Variants in ZNF608 observed in about 807,000 individuals in gnomAD.
The protein encoded by ZNF608 is renal carcinoma antigen NY-REN-36.
A neutral mutation model predicts 109.0 loss-of-function variants in ZNF608; 12 were observed. The observed-to-expected ratio is 0.11, with a 90% CI of 0.07 to 0.18. The LOEUF is 0.18. Ranked by LOEUF, ZNF608 falls within the 10% of genes least tolerant of loss-of-function variation. The pLI is 1.00. For synonymous variants in ZNF608, 732 were observed against 717.4 expected (o/e 1.02, Z -0.33); for missense variants, 1,707 against 1,879.3 (o/e 0.91, Z 1.70).
chr5:124,715,232 G>A (rs1463533577), intron 2 of ZNF608, among the ~76,000 whole-genome samples: 2 of 151,992 alleles, frequency 1.3e-5, no homozygotes, highest in Non-Finnish European at 2.9e-5. Flanking sequence ...ATTTATTCTT[G>A]CACAGTTACC....
chr5:124,732,540 T>C (rs1311794085), intron 2 of ZNF608, among the ~76,000 whole-genome samples: 1 of 149,950 alleles, frequency 6.7e-6, no homozygotes, highest in East Asian at 1.9e-4. Context: ...TTTTTTTGTT[T>C]GTTCAAAAAA....
intron 3 of ZNF608, among the ~76,000 whole-genome samples, chr5:124,684,900 G>A (rs1752340572): frequency 6.6e-6 from 1 of 152,172 alleles, no homozygotes; most frequent in Non-Finnish European, 1.5e-5. Flanking sequence ...TGAGGATTCT[G>A]CAACAATACA....
At chr5:124,661,515 G>C (rs186342638) in intron 3 of ZNF608, among the ~76,000 whole-genome samples, 1 of 149,940 alleles carries the variant, frequency 6.7e-6, no homozygotes, top group African/African-American at 2.4e-5. Context: ...AGAGTTACAA[G>C]TATTTCAATA....
intron 2 of ZNF608, among the ~76,000 whole-genome samples, chr5:124,713,054 C>G (rs1380777752): frequency 6.6e-6 from 1 of 152,110 alleles, no homozygotes; most frequent in Non-Finnish European, 1.5e-5. Context: ...ACCTCTATCC[C>G]CACCCACCAC....
chr5:124,672,551 G>A (rs185489850), intron 3 of ZNF608, among the ~76,000 whole-genome samples: 10 of 152,306 alleles, frequency 6.6e-5, no homozygotes, highest in Non-Finnish European at 1.3e-4. Context: ...TATTTTCACT[G>A]TAACATAGTT....
At chr5:124,653,267 A>G (rs1337254996) in intron 3 of ZNF608, among the ~76,000 whole-genome samples, 1 of 152,228 alleles carries the variant, frequency 6.6e-6, no homozygotes, top group Non-Finnish European at 1.5e-5. Flanking sequence ...AATAAGAACA[A>G]GGTCTTTATT....
intron 2 of ZNF608, among the ~76,000 whole-genome samples, chr5:124,712,491 G>A (rs1282073553): frequency 1.3e-5 from 2 of 152,318 alleles, no homozygotes; most frequent in East Asian, 1.9e-4. Flanking sequence ...CCAAAACCCT[G>A]TAGACCCCAA....
At chr5:124,718,324 G>T (rs1463361201) in intron 2 of ZNF608, among the ~76,000 whole-genome samples, 5 of 152,176 alleles carry the variant, frequency 3.3e-5, no homozygotes, top group African/African-American at 9.7e-5. Context: ...TTGTCAAACA[G>T]AAATGAAAAA....
chr5:124,694,334 G>A (rs890182599), intron 3 of ZNF608, among the ~76,000 whole-genome samples: 1 of 151,086 alleles, frequency 6.6e-6, no homozygotes. Context: ...GAGTTTTGTT[G>A]TTTATTATGT....
Position 124,731,596 on chromosome 5 carries a change from C to A in ZNF608, c.906+12488G>T, listed in dbSNP as rs1416826127. ...ATCTCAGCATTTTGGGAGGCTGAGG[C>A]GGGCAGATTACCTGAGGCCAGGAGT... On this transcript the variant is annotated intron_variant, in intron 2 of 9. Coordinates refer to ENST00000513986, the MANE Select transcript of ZNF608 (RefSeq NM_020747.3). Among the ~76,000 whole-genome samples the A allele has an allele frequency of 2.6e-5, 4 of 151,884 alleles. 1 individual carries two copies. Among genetic ancestry groups the A allele is most frequent in the Admixed American group, 2.6e-4 (4 of 15,260 alleles).
chr5:124,734,804 A>G (rs1403511941), intron 2 of ZNF608: 1 of 152,244 alleles, frequency 6.6e-6, no homozygotes, highest in African/African-American at 2.4e-5. Flanking sequence ...TACTTAAACT[A>G]TATTTAGAAG....
chr5:124,697,280 C>A (rs1319375529), intron 3 of ZNF608, among the ~76,000 whole-genome samples: 1 of 142,638 alleles, frequency 7.0e-6, no homozygotes, highest in Non-Finnish European at 1.5e-5. Context: ...CAAAAGGAAA[C>A]ACATTCATAA....
chr5:124,648,389 G>T lies in ZNF608; in HGVS notation c.1995C>A (p.Gly665=). Residue 665 remains glycine (G), a synonymous_variant, in exon 5 of 10, where the codon GGC becomes GGA. Transcript: ENST00000513986. ...GAAGGTTGTTCAGTTCATTGTTAAG[G>T]CCCTTCTTTTTGCCAGAATTCTTCC... The part of the protein sequence containing the change: ...KAGKNSGKKK[G]LNNELNNLPV... The T allele has an allele frequency of 6.2e-7, 1 of 1,614,144 alleles. No homozygotes were observed. Among genetic ancestry groups the T allele is most frequent in the Non-Finnish European group, 8.5e-7 (1 of 1,180,040 alleles).
At chr5:124,707,984 T>C (rs987768725) in intron 2 of ZNF608, 1 of 152,218 alleles carries the variant, frequency 6.6e-6, no homozygotes, top group Non-Finnish European at 1.5e-5. Flanking sequence ...GAAAACAACA[T>C]GGGCAAATTC....
At chr5:124,643,351 C>G (rs1464990662) in intron 7 of ZNF608, among the ~76,000 whole-genome samples, 160 bp downstream of exon 7, 1 of 152,182 alleles carries the variant, frequency 6.6e-6, no homozygotes, top group Non-Finnish European at 1.5e-5. Context: ...GTGAAAGCGT[C>G]TTACTTTTGA....
intron 3 of ZNF608, among the ~76,000 whole-genome samples, chr5:124,649,913 T>C (rs1475548942): frequency 2.0e-5 from 3 of 152,268 alleles, no homozygotes. Flanking sequence ...CGCGTGCGCA[T>C]GTGGTACAAA....
chr5:124,691,664 A>G (rs1752636708), intron 3 of ZNF608, among the ~76,000 whole-genome samples: 1 of 152,240 alleles, frequency 6.6e-6, no homozygotes, highest in South Asian at 2.1e-4. Flanking sequence ...AGGACATCCT[A>G]TCATATGTGA....
intron 3 of ZNF608, among the ~76,000 whole-genome samples, chr5:124,665,260 A>T (rs542655195): frequency 1.3e-5 from 2 of 152,288 alleles, no homozygotes; most frequent in Non-Finnish European, 2.9e-5. Flanking sequence ...TAATCACCAA[A>T]GAAAACAGCA....
intron 3 of ZNF608, among the ~76,000 whole-genome samples, chr5:124,660,636 G>A (rs919940859): frequency 1.3e-5 from 2 of 152,124 alleles, no homozygotes; most frequent in African/African-American, 4.8e-5. Flanking sequence ...CTTTGTAGCC[G>A]CTTCATCTTG....
Sources: allele counts gnomAD v4.1 joint callset (sites outside exome capture counted in the v4.1 genomes callset), GRCh38; gene constraint gnomAD v4.1.1; transcripts MANE v1.5; gene names NCBI Gene and HGNC (gene_info 2026-07-23, HGNC 2026-07-21).